The following CACNA2D4 variants were observed in gnomAD, a reference collection of about 807,000 sequenced individuals.
The protein encoded by CACNA2D4 is voltage-dependent calcium channel subunit alpha-2/delta-4.
Under a neutral mutation model 163.8 loss-of-function variants are expected in CACNA2D4, and 157 were observed. The observed-to-expected ratio is 0.96, with a 90% CI of 0.84 to 1.09. The LOEUF (loss-of-function observed/expected upper bound fraction) is 1.09. Among genes scored for constraint, CACNA2D4 ranks in the 50% least tolerant of loss-of-function variants. The pLI is 0.00. For missense variants in CACNA2D4, 1,410 were observed against 1,479.9 expected (o/e 0.95, Z 0.78); for synonymous variants, 598 against 586.9 (o/e 1.02, Z -0.27).
At chr12:1,901,952 T>C (rs1339878077) in intron 6 of CACNA2D4, among the ~76,000 whole-genome samples, 3 of 152,036 alleles carry the variant, frequency 2.0e-5, no homozygotes, top group African/African-American at 7.2e-5. Context: ...AGAGCACTGA[T>C]GCAAAAATCC....
At chr12:1,821,106 G>T (rs1461886612) in intron 26 of CACNA2D4, among the ~76,000 whole-genome samples, 1 of 152,214 alleles carries the variant, frequency 6.6e-6, no homozygotes, top group Non-Finnish European at 1.5e-5. Flanking sequence ...GTCCCGGGTG[G>T]CATAGAAACC....
intron 6 of CACNA2D4, among the ~76,000 whole-genome samples, chr12:1,905,168 C>T (rs1328833771): frequency 6.6e-6 from 1 of 152,006 alleles, no homozygotes; most frequent in Non-Finnish European, 1.5e-5. Context: ...ATTCTACATC[C>T]TTTGATGACA....
Position 1,878,963 on chromosome 12 carries a change from C to A in CACNA2D4, c.1637G>T (p.Arg546Leu), listed in dbSNP as rs746491494. 6.2e-7 allele frequency: 1 copy of A among 1,613,554 alleles called. No individual in the cohort carries two copies. Among genetic ancestry groups the A allele is most frequent in the Non-Finnish European group, 8.5e-7 (1 of 1,179,622 alleles). ...ALRELMKLAP[R>L]YKLGVHGYAF... ...GAACAGACCCAGGCTCACCTTGTACCGGGGCGCCAGCTTCATCAGCTCTCT... is the reference window on the plus strand; with the variant it reads ...GAACAGACCCAGGCTCACCTTGTACAGGGGCGCCAGCTTCATCAGCTCTCT... Residue 546 changes from arginine (R) to leucine (L), a missense_variant, in exon 15 of 38, where the codon CGG becomes CTG. By Grantham distance (102) the Arg-to-Leu change is moderately radical. Coordinates refer to ENST00000382722, the MANE Select transcript of CACNA2D4 (RefSeq NM_172364.5). The surrounding 1 kb of genome is among the most constrained non-coding windows in gnomAD (Gnocchi z 4.6).
rs191415184 is a variant in CACNA2D4, at chr12:1,828,040, G to T, written c.2551+12699C>A. The T allele has an allele frequency of 6.6e-6, 7 of 1,064,176 alleles. No individual in the cohort carries two copies. The highest frequency in any genetic ancestry group is 8.9e-6 in the Non-Finnish European group (7 of 782,210). The allele number at this position is 1,064,176 out of a possible 1,614,324, so 65.9% of individuals were successfully genotyped here. A position where few individuals can be genotyped will look rare whatever the true frequency, so the allele number is the denominator to read the frequency against. ...ACCCCTGGGCTGGAACGGGGCTCCC[G>T]CGCCTGCCTGTGCTCAGTGCTCCTC... On this transcript the variant is annotated intron_variant, in intron 26 of 37. Coordinates refer to ENST00000382722, the MANE Select transcript of CACNA2D4 (RefSeq NM_172364.5). The surrounding 1 kb of genome is among the most constrained non-coding windows in gnomAD (Gnocchi z 4.2).
At chr12:1,905,308 G>T (rs1866632587) in intron 6 of CACNA2D4, among the ~76,000 whole-genome samples, 1 of 152,002 alleles carries the variant, frequency 6.6e-6, no homozygotes, top group African/African-American at 2.4e-5. Flanking sequence ...ACAAGACCAG[G>T]ATGTCCACTT....
At chr12:1,803,526 T>C (rs990261401) in intron 29 of CACNA2D4, among the ~76,000 whole-genome samples, 6 of 152,156 alleles carry the variant, frequency 3.9e-5, no homozygotes, top group South Asian at 4.1e-4. Flanking sequence ...GTATTTCCTG[T>C]GTAAGTGGAA....
rs1866069275 is a variant in CACNA2D4 at position 1,883,919 on chromosome 12, G to T, written c.1351+324C>A. On this transcript the variant is annotated intron_variant, in intron 12 of 37. Coordinates refer to ENST00000382722, the MANE Select transcript of CACNA2D4 (RefSeq NM_172364.5). This position sits in a 1 kb window ranked among gnomAD's most constrained non-coding sequence, Gnocchi z 4.5. ...ATTTTTGTTGAATCAATGGGGTCTG[G>T]TCAGAGATAGATGAGGACCATTCAC... 1 of 348,668 alleles carries T rather than the reference G, an allele frequency of 2.9e-6. No homozygotes were observed. Among genetic ancestry groups the T allele is most frequent in the South Asian group, 6.6e-5 (1 of 15,082 alleles). The allele number at this position is 348,668 out of a possible 1,614,324, so 21.6% of individuals were successfully genotyped here.
At position 1,798,616 on chromosome 12, in the gene CACNA2D4, A is replaced by G. The variant is rs901095466; in HGVS notation, c.2995+1059T>C. ...GTCACGCAGTGGAAGGGGCTGCAGC[A>G]CCTACGCCCCGGCCTGGGACTCCAA... is the stretch of plus-strand genomic sequence containing the variant. On this transcript the variant is annotated intron_variant, in intron 34 of 37. Coordinates refer to ENST00000382722, the MANE Select transcript of CACNA2D4 (RefSeq NM_172364.5). This position sits in a 1 kb window ranked among gnomAD's most constrained non-coding sequence, Gnocchi z 4.3. Among the ~76,000 whole-genome samples the G allele has an allele frequency of 6.6e-6, 1 of 152,208 alleles. No homozygotes were observed. The highest frequency in any genetic ancestry group is 1.5e-5 in the Non-Finnish European group (1 of 67,984).
At chr12:1,902,813 C>A (rs1265867650) in intron 6 of CACNA2D4, among the ~76,000 whole-genome samples, 1 of 152,064 alleles carries the variant, frequency 6.6e-6, no homozygotes, top group Non-Finnish European at 1.5e-5. Context: ...ACATTGAATG[C>A]AATCCCTATC....
Position 1,834,503 on chromosome 12 carries a change from C to T in CACNA2D4, c.2551+6236G>A, listed in dbSNP as rs1175479804. 6.2e-7 allele frequency: 1 copy of T among 1,607,666 alleles called. No individual in the cohort carries two copies. The highest frequency in any genetic ancestry group is 8.5e-7 in the Non-Finnish European group (1 of 1,179,850). On this transcript the variant is annotated intron_variant, in intron 26 of 37. Transcript: ENST00000382722. This position sits in a 1 kb window ranked among gnomAD's most constrained non-coding sequence, Gnocchi z 7.6. ...CACAGCCTGCCCACAGAAGCAGAGG[C>T]ACCGGCCGGCGAGCGTGAGGCGAGC... is the stretch of plus-strand genomic sequence containing the variant.
At chr12:1,817,779 C>T (rs1436430212) in intron 26 of CACNA2D4, among the ~76,000 whole-genome samples, 1 of 152,136 alleles carries the variant, frequency 6.6e-6, no homozygotes, top group East Asian at 1.9e-4. Context: ...GTCTGGTTCA[C>T]TCAGTGCTCA....
At chr12:1,849,866 A>G (rs540931526) in intron 23 of CACNA2D4, among the ~76,000 whole-genome samples, 46 of 152,324 alleles carry the variant, frequency 3.0e-4, no homozygotes, top group African/African-American at 1.1e-3. Flanking sequence ...TTTTTTCATT[A>G]CTGAAGATGA....
chr12:1,793,491 C>A lies in CACNA2D4; in HGVS notation c.*164G>T. 2 of 667,158 alleles carry A rather than the reference C, an allele frequency of 3.0e-6. No individual in the cohort carries two copies. The highest frequency in any genetic ancestry group is 4.4e-5 in the Admixed American group (2 of 45,342). The allele number at this position is 667,158 out of a possible 1,614,324, so 41.3% of individuals were successfully genotyped here. On this transcript the variant is annotated 3_prime_UTR_variant, in exon 38 of 38. Transcript: ENST00000382722. ...GGTGCCAGGTGATTGGTTTCCTGTT[C>A]CATCCAGCATTCTCCGGAGCCAGGG...
At chr12:1,856,374 C>A in intron 20 of CACNA2D4, 145 bp from the exon 21 acceptor site, 1 of 833,942 alleles carries the variant, frequency 1.2e-6, no homozygotes, top group Non-Finnish European at 2.0e-6. Context: ...AGTAGGAGAA[C>A]ATGGCTAAGT....
At position 1,867,158 on chromosome 12, in the gene CACNA2D4, A is replaced by G. The variant is rs577028895; in HGVS notation, c.1879-6952T>C. Among the ~76,000 whole-genome samples the G allele has an allele frequency of 1.2e-3, 177 of 152,270 alleles. 1 individual carries two copies. Among genetic ancestry groups the G allele is most frequent in the African/African-American group, 3.9e-3 (163 of 41,552 alleles). ...TTGGATTTTAGTAGCTGGACTATGA[A>G]GTACCCAGATGTGGTTCTCTTTGTC... is the stretch of plus-strand genomic sequence containing the variant. On this transcript the variant is annotated intron_variant, in intron 18 of 37. Transcript: ENST00000382722.
intron 26 of CACNA2D4, among the ~76,000 whole-genome samples, chr12:1,818,851 C>T (rs1384439472): frequency 2.0e-5 from 3 of 148,234 alleles, no homozygotes; most frequent in Non-Finnish European, 4.4e-5. Context: ...ACAAACACTG[C>T]GGAAGGCGGC....
chr12:1,878,884 G>T lies in CACNA2D4; in HGVS notation c.1644+72C>A. On this transcript the variant is annotated intron_variant, in intron 15 of 37. Coordinates refer to ENST00000382722, the MANE Select transcript of CACNA2D4 (RefSeq NM_172364.5). The surrounding 1 kb of genome is among the most constrained non-coding windows in gnomAD (Gnocchi z 4.6). ...CTGGGCTTGGCTTGCCTGGAGAGAG[G>T]CTCCCATCACGGGGGAGGGAGTTTG... 7.2e-7 allele frequency: 1 copy of T among 1,387,412 alleles called. No individual in the cohort carries two copies. Among genetic ancestry groups the T allele is most frequent in the Non-Finnish European group, 1.0e-6 (1 of 994,120 alleles). 85.9% of individuals were successfully genotyped at this position (1,387,412 alleles called of 1,614,324 possible).
In CACNA2D4 at chr12:1,874,756, A is replaced by G; in HGVS notation, c.1807-81T>C. ...TATGGCATTCTTCAGACCAGATTAG[A>G]GGTGATCCCCAGAAACACTTTTGGT... is the stretch of plus-strand genomic sequence containing the variant. On this transcript the variant is annotated intron_variant, in intron 17 of 37. Coordinates refer to ENST00000382722, the MANE Select transcript of CACNA2D4 (RefSeq NM_172364.5). This position sits in a 1 kb window ranked among gnomAD's most constrained non-coding sequence, Gnocchi z 4.4. The G allele has an allele frequency of 9.9e-7, 1 of 1,014,050 alleles. No individual in the cohort carries two copies. Among genetic ancestry groups the G allele is most frequent in the Non-Finnish European group, 1.6e-6 (1 of 641,770 alleles). 62.8% of individuals were successfully genotyped at this position (1,014,050 alleles called of 1,614,324 possible). A position where few individuals can be genotyped will look rare whatever the true frequency, so the allele number is the denominator to read the frequency against.
In CACNA2D4 at chr12:1,802,949, G is replaced by C. The variant is rs572995148; in HGVS notation, c.2722-1305C>G. Among the ~76,000 whole-genome samples the C allele has an allele frequency of 6.6e-6, 1 of 152,222 alleles. No individual in the cohort carries two copies. The highest frequency in any genetic ancestry group is 1.5e-5 in the Non-Finnish European group (1 of 68,038). ...CTTACTCATCTCTGAATTCCCCAAA[G>C]TGTCTTGGTACCTGGACATACTCAG... On this transcript the variant is annotated intron_variant, in intron 29 of 37. Coordinates refer to ENST00000382722, the MANE Select transcript of CACNA2D4 (RefSeq NM_172364.5). This position sits in a 1 kb window ranked among gnomAD's most constrained non-coding sequence, Gnocchi z 4.7.
Sources: allele counts gnomAD v4.1 joint callset (sites outside exome capture counted in the v4.1 genomes callset), GRCh38; gene constraint gnomAD v4.1.1; non-coding constraint Gnocchi (gnomAD v3.1); transcripts MANE v1.5; gene names NCBI Gene and HGNC (gene_info 2026-07-23, HGNC 2026-07-21).